ARHGEF26: variants seen among roughly 807,000 people sequenced by gnomAD.
ARHGEF26 encodes Rho guanine nucleotide exchange factor 26.
ARHGEF26 carries 59 observed loss-of-function variants against 89.4 expected under a neutral mutation model. The ratio of observed to expected loss-of-function variants is 0.66; its 90% CI spans 0.54 to 0.82. ARHGEF26 has a LOEUF of 0.82. ARHGEF26 is among the 40% of genes least tolerant of loss of function. The probability of loss-of-function intolerance (pLI) is 0.00; values close to 1 mark genes in which losing one functional copy is unlikely to be tolerated. For missense variants in ARHGEF26, 1,234 were observed against 1,085.6 expected, an observed-to-expected ratio of 1.14 and a Z score of -1.92; for synonymous variants, 500 against 428.4, an observed-to-expected ratio of 1.17 and a Z score of -2.06.
chr3:154,170,963 C>G (rs975851960), intron 6 of ARHGEF26, among the ~76,000 whole-genome samples: 1 of 152,078 alleles, frequency 6.6e-6, no homozygotes, highest in African/African-American at 2.4e-5. Flanking sequence ...TTTTCTTCTT[C>G]AAGAAGTAAG....
intron 9 of ARHGEF26, among the ~76,000 whole-genome samples, chr3:154,199,664 A>G (rs1030795075): frequency 1.3e-5 from 2 of 152,186 alleles, no homozygotes; most frequent in African/African-American, 4.8e-5. Context: ...TGGTTGTACT[A>G]ATTTACATGC....
chr3:154,187,595 C>A, intron 6 of ARHGEF26, 90 bp from the exon 7 acceptor site: 2 of 1,162,634 alleles, frequency 1.7e-6, no homozygotes, highest in South Asian at 2.0e-5. Flanking sequence ...AATTTTCAAA[C>A]CCCGTGTAAT....
intron 6 of ARHGEF26, among the ~76,000 whole-genome samples, chr3:154,169,821 T>C (rs912608183): frequency 1.3e-5 from 2 of 152,190 alleles, no homozygotes; most frequent in African/African-American, 4.8e-5. Context: ...AGTTATGTAT[T>C]GATCAGTTGA....
chr3:154,239,342 A>G (rs1011153443), intron 11 of ARHGEF26, among the ~76,000 whole-genome samples: 60 of 85,526 alleles, frequency 7.0e-4, no homozygotes, highest in East Asian at 1.9e-3. Flanking sequence ...GTGTGTGTGT[A>G]TGAAGAAGTA....
chr3:154,223,459 G>A (rs182613685), intron 10 of ARHGEF26, among the ~76,000 whole-genome samples: 4 of 152,170 alleles, frequency 2.6e-5, no homozygotes, highest in African/African-American at 9.6e-5. Context: ...CCAAATCAAC[G>A]GATGAATTGA....
At chr3:154,200,083 T>G (rs2108207299) in intron 9 of ARHGEF26, among the ~76,000 whole-genome samples, 1 of 152,240 alleles carries the variant, frequency 6.6e-6, no homozygotes, top group South Asian at 2.1e-4. Context: ...ATTTGTCCAT[T>G]TTTGCTTTGG....
Position 154,137,638 on chromosome 3 carries a change from AC to A in ARHGEF26, c.1269+7920del, listed in dbSNP as rs369928809. 5.0e-3 allele frequency among the ~76,000 whole-genome samples: 762 copies of A among 152,208 alleles called. 4 individuals carry two copies. Among genetic ancestry groups the A allele is most frequent in the South Asian group, 0.027 (131 of 4,824 alleles). ...TGGTACATTTCTGAAAATTAACTTG[AC>A]TTATGTAAGCAATATATAATATGTC... On this transcript the variant is annotated intron_variant, in intron 4 of 14. Coordinates refer to ENST00000465093, the MANE Select transcript of ARHGEF26 (RefSeq NM_015595.4).
At chr3:154,217,227 C>T (rs1379309703) in intron 9 of ARHGEF26, among the ~76,000 whole-genome samples, 2 of 149,976 alleles carry the variant, frequency 1.3e-5, no homozygotes, top group Non-Finnish European at 3.0e-5. Flanking sequence ...GATTGCCATT[C>T]TAACTGGTGT....
intron 6 of ARHGEF26, among the ~76,000 whole-genome samples, chr3:154,164,133 A>G (rs1368101537): frequency 6.6e-6 from 1 of 152,132 alleles, no homozygotes; most frequent in Non-Finnish European, 1.5e-5. Flanking sequence ...TTTAGGACTT[A>G]AAGAATTTCT....
At chr3:154,176,717 C>T (rs868756048) in intron 6 of ARHGEF26, among the ~76,000 whole-genome samples, 5 of 152,062 alleles carry the variant, frequency 3.3e-5, no homozygotes, top group Non-Finnish European at 2.9e-5. Flanking sequence ...TTTGAAAAGC[C>T]GGGTCTGATG....
At chr3:154,239,266 GA>G (rs1559920437) in intron 11 of ARHGEF26, among the ~76,000 whole-genome samples, 40 of 102,536 alleles carry the variant, frequency 3.9e-4, no homozygotes, top group African/African-American at 1.4e-3. Context: ...GAGAGGGAGA[GA>G]GAGAGAGAGA....
chr3:154,196,318 A>T (rs1714288682), intron 9 of ARHGEF26, among the ~76,000 whole-genome samples: 1 of 152,202 alleles, frequency 6.6e-6, no homozygotes, highest in Non-Finnish European at 1.5e-5. Context: ...AGAAATATCT[A>T]GCTGAGAGGA....
At chr3:154,218,789 A>G (rs1052563895) in intron 10 of ARHGEF26, among the ~76,000 whole-genome samples, 3 of 152,214 alleles carry the variant, frequency 2.0e-5, no homozygotes, top group African/African-American at 7.2e-5. Context: ...CAGCATATAT[A>G]CTAGAATTGA....
chr3:154,176,930 CT>C (rs1305610122), intron 6 of ARHGEF26, among the ~76,000 whole-genome samples: 1 of 152,134 alleles, frequency 6.6e-6, no homozygotes, highest in Non-Finnish European at 1.5e-5. Context: ...AGGCATACAC[CT>C]CTGTGCCTGG....
rs77625777 is a variant in ARHGEF26, at chr3:154,212,036, T to A, written c.1846-5833T>A. Among the ~76,000 whole-genome samples the A allele has an allele frequency of 2.9e-3, 438 of 152,270 alleles. 1 individual carries two copies. The highest frequency in any genetic ancestry group is 1.0e-2 in the African/African-American group (414 of 41,556). Reference sequence around the variant, plus strand: ...GAACGTATTTAAGTTGACATTGGTATATTTTAACAGTGCATAAAGTGGCCA... The same window carrying A: ...GAACGTATTTAAGTTGACATTGGTAAATTTTAACAGTGCATAAAGTGGCCA... On this transcript the variant is annotated intron_variant, in intron 9 of 14. Transcript: ENST00000465093.
chr3:154,173,044 G>A (rs1712550064), intron 6 of ARHGEF26, among the ~76,000 whole-genome samples: 1 of 152,086 alleles, frequency 6.6e-6, no homozygotes, highest in African/African-American at 2.4e-5. Flanking sequence ...TTTGAGAAAT[G>A]GTTAAGGTTT....
chr3:154,142,779 A>G (rs1002412029), intron 4 of ARHGEF26, among the ~76,000 whole-genome samples: 3 of 152,142 alleles, frequency 2.0e-5, no homozygotes, highest in African/African-American at 4.8e-5. Context: ...TACCTTCACT[A>G]TGTGTAAATG....
Position 154,152,979 on chromosome 3 carries a change from C to G in ARHGEF26, c.1487+47C>G, listed in dbSNP as rs756161877. The G allele has an allele frequency of 3.5e-6, 5 of 1,422,064 alleles. No individual in the cohort carries two copies. In the South Asian group the frequency reaches 8.6e-5, roughly 24 times the overall value. The allele number at this position is 1,422,064 out of a possible 1,614,324, so 88.1% of individuals were successfully genotyped here. ...TTTGGTCGTGCCAAGAAGTTGCGTACTAATAAACACTTTGTTATCTCTAAA... is the reference window on the plus strand; with the variant it reads ...TTTGGTCGTGCCAAGAAGTTGCGTAGTAATAAACACTTTGTTATCTCTAAA... On this transcript the variant is annotated intron_variant, in intron 6 of 14. Transcript: ENST00000465093.
At chr3:154,204,569 A>AT in intron 9 of ARHGEF26, among the ~76,000 whole-genome samples, 1 of 151,714 alleles carries the variant, frequency 6.6e-6, no homozygotes, top group Non-Finnish European at 1.5e-5. Context: ...GTCTCCAGTG[A>AT]TCCCCCCGCC....
Sources: gnomAD v4.1 joint callset for allele counts (sites outside exome capture counted in the v4.1 genomes callset) on GRCh38, gnomAD v4.1.1 for gene constraint, MANE v1.5 for transcripts, NCBI Gene and HGNC (gene_info 2026-07-23, HGNC 2026-07-21) for gene names.